CASP1: variants seen among roughly 807,000 people sequenced by gnomAD.
The protein encoded by CASP1 is caspase 1, also known as caspase-1.
In CASP1, 31 loss-of-function variants were observed where a neutral mutation model predicts 41.2. The ratio of observed to expected loss-of-function variants is 0.75; its 90% CI spans 0.57 to 1.02. CASP1 has a LOEUF of 1.02. Among genes scored for constraint, CASP1 ranks in the 50% least tolerant of loss-of-function variants. CASP1 has a pLI of 0.00. For missense variants in CASP1, 490 were observed against 495.7 expected, an observed-to-expected ratio of 0.99 and a Z score of 0.11; for synonymous variants, 163 against 166.5, an observed-to-expected ratio of 0.98 and a Z score of 0.16.
chr11:105,030,835 G>A lies in CASP1; in HGVS notation c.453+330C>T, dbSNP rs147725214. On this transcript the variant is annotated intron_variant, in intron 4 of 8. Transcript: ENST00000533400. ...TTTGGGAAAAATATTTAACAATCCCGTCTCAGCTTCTTGATCTCTAAAATG... is the reference window on the plus strand; with the variant it reads ...TTTGGGAAAAATATTTAACAATCCCATCTCAGCTTCTTGATCTCTAAAATG... The A allele has an allele frequency of 3.5e-3, 1,225 of 347,638 alleles. 13 individuals carry two copies. Among genetic ancestry groups the A allele is most frequent in the African/African-American group, 0.022 (1,055 of 47,390 alleles). 21.5% of individuals were successfully genotyped at this position (347,638 alleles called of 1,614,324 possible).
chr11:105,031,697 T>C (rs1863709199), intron 3 of CASP1, among the ~76,000 whole-genome samples: 1 of 152,160 alleles, frequency 6.6e-6, no homozygotes, highest in Admixed American at 6.6e-5. Flanking sequence ...TACTAAAATA[T>C]TTTTTAAAAT....
Position 105,030,522 on chromosome 11 carries a change from G to T in CASP1, c.454-19C>A. The stretch of plus-strand genomic sequence containing the variant: ...GATAAATCTGTAGGAAATGCAATTT[G>T]AATGAACAGCCTTGTTCTTTCCAAT... On this transcript the variant is annotated intron_variant, in intron 4 of 8. Transcript: ENST00000533400. The T allele has an allele frequency of 6.2e-7, 1 of 1,604,134 alleles. No individual in the cohort carries two copies. The highest frequency in any genetic ancestry group is 8.5e-7 in the Non-Finnish European group (1 of 1,173,920).
intron 7 of CASP1, among the ~76,000 whole-genome samples, chr11:105,028,763 C>T (rs1006024546): frequency 2.0e-5 from 3 of 152,052 alleles, no homozygotes; most frequent in African/African-American, 7.2e-5. Flanking sequence ...CAGAATCTTG[C>T]TCTTACTCTT....
chr11:105,025,553 T>C lies in CASP1; in HGVS notation c.*705A>G. On this transcript the variant is annotated 3_prime_UTR_variant, in exon 9 of 9. Transcript: ENST00000533400. ...TTATTATTTCAAAAAAGTTTATTAT[T>C]CAGCAGACATAATTCCAAAAACCTT... 2.3e-6 allele frequency: 1 copy of C among 428,546 alleles called. No homozygotes were observed. The highest frequency in any genetic ancestry group is 3.4e-4 in the Middle Eastern group (1 of 2,912). The allele number at this position is 428,546 out of a possible 1,614,324, so 26.5% of individuals were successfully genotyped here. A position where few individuals can be genotyped will look rare whatever the true frequency, so the allele number is the denominator to read the frequency against.
chr11:105,029,303 A>G, intron 6 of CASP1, 36 bp from the exon 7 acceptor site: 2 of 1,585,066 alleles, frequency 1.3e-6, no homozygotes, highest in Non-Finnish European at 1.7e-6. Flanking sequence ...ACTACTACCA[A>G]TGGCTGAGAA....
chr11:105,027,938 A>T (rs1423305112), intron 7 of CASP1, among the ~76,000 whole-genome samples: 1 of 152,126 alleles, frequency 6.6e-6, no homozygotes, highest in Non-Finnish European at 1.5e-5. Flanking sequence ...GTCATCTAGA[A>T]GGTAGGAGTA....
rs376710522 is a variant in CASP1 at position 105,026,238 on chromosome 11, A to G, written c.*20T>C. On this transcript the variant is annotated 3_prime_UTR_variant, in exon 9 of 9. Coordinates refer to ENST00000533400, the MANE Select transcript of CASP1 (RefSeq NM_001257118.3). ...CATACACATGTACCTGCCCACAGAC[A>G]TTCATACAGTTTCCTTATTTTAATG... is the stretch of plus-strand genomic sequence containing the variant. 1.5e-4 allele frequency: 226 copies of G among 1,490,678 alleles called. No homozygotes were observed. Among genetic ancestry groups the G allele is most frequent in the Non-Finnish European group, 2.0e-4 (215 of 1,068,244 alleles). 92.3% of individuals were successfully genotyped at this position (1,490,678 alleles called of 1,614,324 possible). A position where few individuals can be genotyped will look rare whatever the true frequency, so the allele number is the denominator to read the frequency against.
chr11:105,026,374 G>T lies in CASP1; in HGVS notation c.1117-18C>A. 10 of 1,523,188 alleles carry T rather than the reference G, an allele frequency of 6.6e-6. No individual in the cohort carries two copies. The highest frequency in any genetic ancestry group is 9.0e-6 in the Non-Finnish European group (10 of 1,106,316). The allele number at this position is 1,523,188 out of a possible 1,614,324, so 94.4% of individuals were successfully genotyped here. The stretch of plus-strand genomic sequence containing the variant: ...AATCGAACCTAAAAGAGTAAGGAAA[G>T]TCTGTAGCCCTTTTTTTTGCTGAGT... On this transcript the variant is annotated intron_variant, in intron 8 of 8. Coordinates refer to ENST00000533400, the MANE Select transcript of CASP1 (RefSeq NM_001257118.3).
chr11:105,025,678 C>A lies in CASP1; in HGVS notation c.*580G>T. The A allele has an allele frequency of 2.7e-6, 1 of 375,214 alleles. No homozygotes were observed. The highest frequency in any genetic ancestry group is 5.1e-6 in the Non-Finnish European group (1 of 195,826). The allele number at this position is 375,214 out of a possible 1,614,324, so 23.2% of individuals were successfully genotyped here. A position where few individuals can be genotyped will look rare whatever the true frequency, so the allele number is the denominator to read the frequency against. On this transcript the variant is annotated 3_prime_UTR_variant, in exon 9 of 9. Transcript: ENST00000533400. ...AAGACATGCAAGTTATAAAGTTATA[C>A]CACCAATGGGAACATACACAATTTT...
Position 105,027,987 on chromosome 11 carries a change from G to A in CASP1, c.1007-1036C>T, listed in dbSNP as rs144901614. Among the ~76,000 whole-genome samples the A allele has an allele frequency of 8.0e-3, 1,221 of 152,164 alleles. 17 individuals are homozygous for A. Among genetic ancestry groups the A allele is most frequent in the African/African-American group, 0.028 (1,144 of 41,548 alleles). Reference sequence around the variant, plus strand: ...AAAAGAAAGACACATAAATCAGCCAGATTGATAATGAGAAGCCAGAGGCCT... The same window carrying A: ...AAAAGAAAGACACATAAATCAGCCAAATTGATAATGAGAAGCCAGAGGCCT... On this transcript the variant is annotated intron_variant, in intron 7 of 8. Transcript: ENST00000533400.
At chr11:105,030,238 A>G (rs915713883) in intron 5 of CASP1, 92 bp downstream of exon 5, 1 of 1,073,532 alleles carries the variant, frequency 9.3e-7, no homozygotes, top group Non-Finnish European at 1.4e-6. Flanking sequence ...TTATCAAGAG[A>G]TTACATTTCT....
Position 105,025,626 on chromosome 11 carries a change from A to G in CASP1, c.*632T>C, listed in dbSNP as rs1055628631. 5 of 394,894 alleles carry G rather than the reference A, an allele frequency of 1.3e-5. No individual in the cohort carries two copies. The highest frequency in any genetic ancestry group is 7.0e-5 in the Admixed American group (2 of 28,664). The allele number at this position is 394,894 out of a possible 1,614,324, so 24.5% of individuals were successfully genotyped here. ...CTATGAGAAAAAGAAATAATTAAAA[A>G]AAAAAACATAGGAAAGAATTTTGTT... On this transcript the variant is annotated 3_prime_UTR_variant, in exon 9 of 9. Coordinates refer to ENST00000533400, the MANE Select transcript of CASP1 (RefSeq NM_001257118.3).
At chr11:105,036,086 A>C (rs1864006636), upstream of CASP1, among the ~76,000 whole-genome samples, 1 of 152,172 alleles carries the variant, frequency 6.6e-6, no homozygotes, top group South Asian at 2.1e-4. Flanking sequence ...ATGTACCTAC[A>C]CAGTTTTGAG....
At chr11:105,035,616 C>CTTTCTT (rs770202897), upstream of CASP1, among the ~76,000 whole-genome samples, 5 of 52,088 alleles carry the variant, frequency 9.6e-5, no homozygotes, top group African/African-American at 2.0e-4. Context: ...TTTTTTCTTT[C>CTTTCTT]TGTTTTTTTT....
In CASP1 at chr11:105,027,284, A is replaced by T. The variant is rs945188095; in HGVS notation, c.1007-333T>A. 5 of 525,894 alleles carry T rather than the reference A, an allele frequency of 9.5e-6. No individual in the cohort carries two copies. The African/African-American group carries it at 9.6e-5, about 10-fold the overall frequency. The allele number at this position is 525,894 out of a possible 1,614,324, so 32.6% of individuals were successfully genotyped here. On this transcript the variant is annotated intron_variant, in intron 7 of 8. Transcript: ENST00000533400. ...GTGTTTGAGATAACCCAGGATATGC[A>T]ATACTCAGTCTACATGGGGTAATTA...
intron 2 of CASP1, 122 bp downstream of exon 2, chr11:105,034,086 A>C (rs747570579): frequency 6.5e-7 from 1 of 1,528,424 alleles, no homozygotes; most frequent in Non-Finnish European, 9.0e-7. Flanking sequence ...TGCTACAGAA[A>C]TATGGCCCTG....
chr11:105,033,373 G>C (rs1863814105), intron 2 of CASP1, among the ~76,000 whole-genome samples: 1 of 152,212 alleles, frequency 6.6e-6, no homozygotes, highest in South Asian at 2.1e-4. Flanking sequence ...TGTCTGCTTA[G>C]ACAGGCATAA....
At chr11:105,031,016 G>T (rs543373704) in intron 4 of CASP1, 149 bp downstream of exon 4, 18 of 593,996 alleles carry the variant, frequency 3.0e-5, no homozygotes, top group African/African-American at 2.8e-4. Flanking sequence ...GGGATTCTAG[G>T]ATATAGAAAT....
upstream of CASP1, among the ~76,000 whole-genome samples, chr11:105,036,518 T>C (rs1428422296): frequency 6.6e-6 from 1 of 152,142 alleles, no homozygotes; most frequent in African/African-American, 2.4e-5. Context: ...CTGTTTTTTT[T>C]CCATGCTGTT....
Sources: allele counts gnomAD v4.1 joint callset (sites outside exome capture counted in the v4.1 genomes callset), GRCh38; gene constraint gnomAD v4.1.1; transcripts MANE v1.5; gene names NCBI Gene and HGNC (gene_info 2026-07-23, HGNC 2026-07-21).